PCDHGA5: variants seen among roughly 807,000 people sequenced by gnomAD.
PCDHGA5 encodes protocadherin gamma subfamily A, 5.
A neutral mutation model predicts 56.7 loss-of-function variants in PCDHGA5; 36 were observed. The observed-to-expected ratio is 0.64, with a 90% CI of 0.49 to 0.84. The LOEUF (loss-of-function observed/expected upper bound fraction) is 0.84, where lower values mean the gene tolerates loss of function less well. PCDHGA5 is among the 40% of genes least tolerant of loss of function. The pLI is 0.00. For synonymous variants in PCDHGA5, 563 were observed against 520.2 expected, an observed-to-expected ratio of 1.08 and a Z score of -1.12; for missense variants, 1,305 against 1,201.5, an observed-to-expected ratio of 1.09 and a Z score of -1.27.
chr5:141,511,202 C>T lies in PCDHGA5; in HGVS notation c.*29C>T, dbSNP rs201024828. 2.0e-3 allele frequency: 3,296 copies of T among 1,612,132 alleles called. 7 individuals carry two copies. Among genetic ancestry groups the T allele is most frequent in the Middle Eastern group, 0.013 (77 of 6,006 alleles). On this transcript the variant is annotated 3_prime_UTR_variant, in exon 4 of 4. Coordinates refer to ENST00000518069, the MANE Select transcript of PCDHGA5 (RefSeq NM_018918.3). ...GGAGGCCAGGCCAAGAGCCACAGGG[C>T]GGCCTCTCCCCAACCAGCCCAGCTT...
At chr5:141,374,613 A>G (rs1770655332) in intron 1 of PCDHGA5, 1 of 1,613,396 alleles carries the variant, frequency 6.2e-7, no homozygotes, top group African/African-American at 1.3e-5. Flanking sequence ...GGTAATAGTC[A>G]CTTCTCAGTG....
chr5:141,476,509 C>G lies in PCDHGA5; in HGVS notation c.2422-18298C>G. 6.2e-7 allele frequency: 1 copy of G among 1,614,144 alleles called. No individual in the cohort carries two copies. Among genetic ancestry groups the G allele is most frequent in the Non-Finnish European group, 8.5e-7 (1 of 1,180,022 alleles). ...TGGTGATCCAGGACATCAACGACAACAATCCTGCTTTCCCTACCCAGGAAA... is the reference window on the plus strand; with the variant it reads ...TGGTGATCCAGGACATCAACGACAAGAATCCTGCTTTCCCTACCCAGGAAA... On this transcript the variant is annotated intron_variant, in intron 1 of 3. Transcript: ENST00000518069. This position sits in a 1 kb window ranked among gnomAD's most constrained non-coding sequence, Gnocchi z 7.6.
At chr5:141,379,889 C>CT (rs70988800) in intron 1 of PCDHGA5, among the ~76,000 whole-genome samples, 813 of 50,762 alleles carry the variant, frequency 0.016, 203 homozygotes, top group Non-Finnish European at 0.022. Flanking sequence ...GTGAAAGCCT[C>CT]TTTTTTTTTT....
intron 1 of PCDHGA5, chr5:141,414,409 A>G: frequency 1.2e-6 from 2 of 1,613,870 alleles, no homozygotes; most frequent in Non-Finnish European, 8.5e-7. Flanking sequence ...GGTGATACAC[A>G]GAGCCCTTGA....
At chr5:141,428,163 C>T (rs759273230) in intron 1 of PCDHGA5, 77 of 1,564,636 alleles carry the variant, frequency 4.9e-5, no homozygotes, top group Non-Finnish European at 6.3e-5. Flanking sequence ...CTGCTGGTTG[C>T]TGTGCGTGAC....
rs1304750292 is a variant in PCDHGA5 at position 141,383,376 on chromosome 5, T to A, written c.2421+16625T>A. 7 of 1,613,980 alleles carry A rather than the reference T, an allele frequency of 4.3e-6. No homozygotes were observed. Among genetic ancestry groups the A allele is most frequent in the Non-Finnish European group, 5.1e-6 (6 of 1,179,894 alleles). ...GGTTTCCGTTAAGCGAGGCTGGGGA[T>A]CCAGATGTGGGCACGAACTCCCTCC... is the stretch of plus-strand genomic sequence containing the variant. On this transcript the variant is annotated intron_variant, in intron 1 of 3. Coordinates refer to ENST00000518069, the MANE Select transcript of PCDHGA5 (RefSeq NM_018918.3).
intron 1 of PCDHGA5, chr5:141,394,283 T>A: frequency 6.2e-7 from 1 of 1,613,956 alleles, no homozygotes; most frequent in Non-Finnish European, 8.5e-7. Flanking sequence ...TCACTTACTC[T>A]GTGACCGAGG....
intron 1 of PCDHGA5, chr5:141,422,386 A>G: frequency 1.3e-6 from 2 of 1,587,922 alleles, no homozygotes; most frequent in Non-Finnish European, 1.7e-6. Flanking sequence ...CTCCTGTTTT[A>G]TTCCTAACCA....
intron 1 of PCDHGA5, chr5:141,395,239 T>C: frequency 6.3e-7 from 1 of 1,589,970 alleles, no homozygotes; most frequent in Non-Finnish European, 8.6e-7. Flanking sequence ...CATGGTCAGG[T>C]GAGTTTAGTT....
chr5:141,483,779 A>G (rs1259583177), intron 1 of PCDHGA5, among the ~76,000 whole-genome samples: 2 of 152,146 alleles, frequency 1.3e-5, no homozygotes, highest in Non-Finnish European at 2.9e-5. Context: ...TTGGGGAAGG[A>G]TAAGAACTCC....
chr5:141,431,584 G>A lies in PCDHGA5; in HGVS notation c.2422-63223G>A, dbSNP rs201462681. 7 of 1,614,074 alleles carry A rather than the reference G, an allele frequency of 4.3e-6. No homozygotes were observed. The African/African-American group carries it at 9.3e-5, about 22-fold the overall frequency. On this transcript the variant is annotated intron_variant, in intron 1 of 3. Coordinates refer to ENST00000518069, the MANE Select transcript of PCDHGA5 (RefSeq NM_018918.3). The surrounding 1 kb of genome is among the most constrained non-coding windows in gnomAD (Gnocchi z 4.8). ...CCGACCCTGACGAAGGAGTCAATGC[G>A]GAAGTGAGGTATTCCTTCCGGTATG... is the stretch of plus-strand genomic sequence containing the variant.
intron 1 of PCDHGA5, chr5:141,426,597 T>C (rs2096946172): frequency 2.6e-6 from 1 of 377,476 alleles, no homozygotes. Context: ...TGTCATACCC[T>C]TAGAGATTGT....
chr5:141,392,641 C>A, intron 1 of PCDHGA5: 2 of 655,502 alleles, frequency 3.1e-6, no homozygotes, highest in East Asian at 5.8e-5. Flanking sequence ...TCACACCTCA[C>A]GAAGACCCGC....
At chr5:141,495,065 T>C (rs1413025171) in intron 2 of PCDHGA5, among the ~76,000 whole-genome samples, 200 bp downstream of exon 2, 1 of 152,148 alleles carries the variant, frequency 6.6e-6, no homozygotes, top group Admixed American at 6.5e-5. Flanking sequence ...TTCAGGAAGC[T>C]CAATTCACAT....
intron 1 of PCDHGA5, chr5:141,441,662 C>T: frequency 3.8e-6 from 1 of 260,740 alleles, no homozygotes; most frequent in Non-Finnish European, 7.7e-6. Flanking sequence ...TGTCCTTGAG[C>T]GCACAGTGCG....
intron 1 of PCDHGA5, chr5:141,371,313 C>G: frequency 6.2e-7 from 1 of 1,613,964 alleles, no homozygotes; most frequent in Non-Finnish European, 8.5e-7. Context: ...TATTGGAGAA[C>G]TGGACTTTGA....
In PCDHGA5 at chr5:141,390,005, G is replaced by A. The variant is rs886109174; in HGVS notation, c.2421+23254G>A. 2.5e-6 allele frequency: 4 copies of A among 1,613,860 alleles called. No individual in the cohort carries two copies. In the African/African-American group the frequency reaches 5.3e-5, roughly 22 times the overall value. ...TGCTCTTCCTCGTGGCCATGATTCT[G>A]GCCATTGCCTTGCGCCTGCGACGCT... On this transcript the variant is annotated intron_variant, in intron 1 of 3. Coordinates refer to ENST00000518069, the MANE Select transcript of PCDHGA5 (RefSeq NM_018918.3).
At chr5:141,421,316 G>A in intron 1 of PCDHGA5, 1 of 1,613,866 alleles carries the variant, frequency 6.2e-7, no homozygotes, top group Non-Finnish European at 8.5e-7. Flanking sequence ...TTCCGGGCCA[G>A]GCAGATCCGA....
intron 1 of PCDHGA5, chr5:141,427,231 G>A (rs1561827383): frequency 2.2e-6 from 1 of 456,612 alleles, no homozygotes; most frequent in African/African-American, 2.0e-5. Flanking sequence ...TATACCATGA[G>A]AGTAGAAGCT....
Sources: gnomAD v4.1 joint callset for allele counts (sites outside exome capture counted in the v4.1 genomes callset) on GRCh38, gnomAD v4.1.1 for gene constraint, Gnocchi (gnomAD v3.1) non-coding constraint, MANE v1.5 for transcripts, NCBI Gene and HGNC (gene_info 2026-07-23, HGNC 2026-07-21) for gene names.